PGLS: variants seen among roughly 807,000 people sequenced by gnomAD.
PGLS encodes the protein epididymis secretory protein Li 304.
A neutral mutation model predicts 23.2 loss-of-function variants in PGLS; 21 were observed. The observed-to-expected ratio is 0.91, with a 90% confidence interval of 0.64 to 1.31. The LOEUF (loss-of-function observed/expected upper bound fraction) is 1.31, where lower values mean the gene tolerates loss of function less well. Among genes scored for constraint, PGLS ranks in the 50% most tolerant of loss-of-function variants. The probability of loss-of-function intolerance (pLI) is 0.00; values close to 1 mark genes in which losing one functional copy is unlikely to be tolerated. For synonymous variants in PGLS, 179 were observed against 165.4 expected (o/e 1.08, Z -0.63); for missense variants, 410 against 354.0 (o/e 1.16, Z -1.27).
Position 17,521,219 on chromosome 19 carries a change from G to T in PGLS, c.*138G>T. On this transcript the variant is annotated 3_prime_UTR_variant, in exon 5 of 5. Coordinates refer to ENST00000252603, the MANE Select transcript of PGLS (RefSeq NM_012088.3). ...GGAAGCCAACAGCCTCCGGCCAGCA[G>T]CCCTACCCGGGGCTCAACACACAGG... The T allele has an allele frequency of 2.4e-6, 2 of 846,766 alleles. No homozygotes were observed. Among genetic ancestry groups the T allele is most frequent in the Non-Finnish European group, 3.6e-6 (2 of 562,074 alleles). The allele number at this position is 846,766 out of a possible 1,614,324, so 52.5% of individuals were successfully genotyped here.
chr19:17,520,687 T>C (rs563480392), intron 4 of PGLS: 17 of 301,426 alleles, frequency 5.6e-5, no homozygotes, highest in East Asian at 1.6e-4. Flanking sequence ...GCCAAGATCG[T>C]ACCACTGCAC....
Position 17,511,809 on chromosome 19 carries a change from C to A in PGLS, c.137C>A (p.Ser46Ter). The change falls in exon 1 of 5, where the codon TCG becomes TAG. Residue 46 changes from serine to a stop codon, truncating the protein, a stop_gained. Transcript: ENST00000252603. LOFTEE classifies it high-confidence loss of function. ...CGCGCCCGTTTCGCGCTCGGCCTGT[C>A]GGGCGGGAGCCTCGTCTCGATGCTA... is the stretch of plus-strand genomic sequence containing the variant. ...GARARFALGLSGGSLVSMLAR... is the reference protein window; with the variant it reads ...GARARFALGL The A allele has an allele frequency of 6.6e-7, 1 of 1,507,230 alleles. No individual in the cohort carries two copies. Among genetic ancestry groups the A allele is most frequent in the Non-Finnish European group, 8.8e-7 (1 of 1,132,824 alleles). 93.4% of individuals were successfully genotyped at this position (1,507,230 alleles called of 1,614,324 possible).
In PGLS at chr19:17,511,893, C is replaced by A; in HGVS notation, c.221C>A (p.Thr74Lys). Residue 74 changes from threonine (T) to lysine (K), a missense_variant, in exon 1 of 5, where the codon ACG becomes AAG. By Grantham distance (78) the Thr-to-Lys change is moderately conservative. Coordinates refer to ENST00000252603, the MANE Select transcript of PGLS (RefSeq NM_012088.3). ...GGGCCAGCTAGCTTAGCGCGCTGGA[C>A]GCTGGGCTTCTGCGACGAGCGCCTC... ...PAGPASLARW[T>K]LGFCDERLVP... The A allele has an allele frequency of 6.5e-7, 1 of 1,542,938 alleles. No homozygotes were observed. Among genetic ancestry groups the A allele is most frequent in the South Asian group, 1.2e-5 (1 of 83,816 alleles).
rs747877954 is a variant in PGLS, at chr19:17,517,282, G to A, written c.397-6G>A. On this transcript the variant is annotated splice_region_variant and splice_polypyrimidine_tract_variant and intron_variant, in intron 2 of 4. Coordinates refer to ENST00000252603, the MANE Select transcript of PGLS (RefSeq NM_012088.3). ...CCTCTCAAGGCTGTCTTCTCCCCAC[G>A]CCCAGGCATTCCAAGGGGACTCCAT... The A allele has an allele frequency of 3.7e-6, 6 of 1,607,996 alleles. No homozygotes were observed. Among genetic ancestry groups the A allele is most frequent in the East Asian group, 2.2e-5 (1 of 44,836 alleles).
chr19:17,516,645 C>T (rs1166930441), intron 2 of PGLS: 44 of 466,654 alleles, frequency 9.4e-5, no homozygotes, highest in Non-Finnish European at 1.1e-4. Flanking sequence ...AGTGCAGTGG[C>T]GTGATCATGG....
At position 17,520,974 on chromosome 19, in the gene PGLS, CT is replaced by C; in HGVS notation, c.671del (p.Leu224ArgfsTer25). 6.3e-7 allele frequency: 1 copy of C among 1,597,950 alleles called. No homozygotes were observed. The highest frequency in any genetic ancestry group is 8.5e-7 in the Non-Finnish European group (1 of 1,171,734). On this transcript the variant is annotated frameshift_variant, in exon 5 of 5. Transcript: ENST00000252603. LOFTEE classifies it high-confidence loss of function. ...RILEDQEENP[L>X]PAALVQPHTG... ...TTTGGAGGACCAGGAGGAAAACCCG[CT>C]GCCCGCCGCCCTGGTCCAGCCCCAC... is the stretch of plus-strand genomic sequence containing the variant.
rs1478897693 is a variant in PGLS at position 17,511,898 on chromosome 19, G to C, written c.226G>C (p.Gly76Arg). Residue 76 changes from glycine (G) to arginine (R), a missense_variant, in exon 1 of 5, where the codon GGC becomes CGC. Gly to Arg is a moderately radical substitution (Grantham distance 125). Transcript: ENST00000252603. ...AGCTAGCTTAGCGCGCTGGACGCTG[G>C]GCTTCTGCGACGAGCGCCTCGTGCC... ...GPASLARWTLGFCDERLVPFD... is the reference protein window; with the variant it reads ...GPASLARWTLRFCDERLVPFD... 2 of 1,543,800 alleles carry C rather than the reference G, an allele frequency of 1.3e-6. No homozygotes were observed. The highest frequency in any genetic ancestry group is 1.7e-6 in the Non-Finnish European group (2 of 1,145,886).
chr19:17,519,330 T>C (rs935492592), intron 4 of PGLS, among the ~76,000 whole-genome samples: 1 of 135,844 alleles, frequency 7.4e-6, no homozygotes, highest in African/African-American at 2.9e-5. Context: ...AAAAAAAAAA[T>C]CAAATGAATA....
intron 1 of PGLS, chr19:17,513,015 G>A (rs772269010): frequency 6.6e-6 from 1 of 152,168 alleles, no homozygotes; most frequent in Non-Finnish European, 1.5e-5. Flanking sequence ...GGGCAGCCAG[G>A]GTGTGATCCT....
chr19:17,515,618 G>T (rs1370612200), intron 1 of PGLS: 1 of 153,238 alleles, frequency 6.5e-6, no homozygotes, highest in African/African-American at 2.4e-5. Context: ...TGGCCTGAGG[G>T]ATGTATATGA....
At chr19:17,519,522 C>A (rs2075547993) in intron 4 of PGLS, among the ~76,000 whole-genome samples, 1 of 151,846 alleles carries the variant, frequency 6.6e-6, no homozygotes, top group Admixed American at 6.6e-5. Context: ...GCCTCAGCCT[C>A]CCAAGTAGCT....
chr19:17,516,781 G>A (rs145226688), intron 2 of PGLS, among the ~76,000 whole-genome samples: 91,268 of 150,908 alleles, frequency 0.6, 28,347 homozygotes, highest in African/African-American at 0.75. Context: ...TAGAGACGGG[G>A]TTTCACCATG....
intron 2 of PGLS, chr19:17,516,632 T>G: frequency 1.8e-6 from 1 of 547,466 alleles, no homozygotes; most frequent in African/African-American, 2.0e-5. Context: ...TCGCCCAGGC[T>G]GGAGTGCAGT....
Position 17,511,680 on chromosome 19 carries a change from C to A in PGLS, c.8C>A (p.Ala3Glu). The A allele has an allele frequency of 6.7e-7, 1 of 1,489,516 alleles. No individual in the cohort carries two copies. Among genetic ancestry groups the A allele is most frequent in the Non-Finnish European group, 8.9e-7 (1 of 1,127,946 alleles). The allele number at this position is 1,489,516 out of a possible 1,614,324, so 92.3% of individuals were successfully genotyped here. A position where few individuals can be genotyped will look rare whatever the true frequency, so the allele number is the denominator to read the frequency against. Residue 3 changes from alanine to glutamate, a missense_variant, in exon 1 of 5, where the codon GCG becomes GAG. Transcript: ENST00000252603. MA[A>E]PAPGLISVFS... is the part of the protein sequence containing the mutation. ...CCCGCCGCCGCCCTCGCCATGGCCG[C>A]GCCGGCCCCGGGCCTCATCTCGGTG...
rs1034651602 is a variant in PGLS at position 17,520,908 on chromosome 19, G to A, written c.640-36G>A. 6 of 1,528,422 alleles carry A rather than the reference G, an allele frequency of 3.9e-6. No individual in the cohort carries two copies. The South Asian group carries it at 4.9e-5, about 12-fold the overall frequency. 94.7% of individuals were successfully genotyped at this position (1,528,422 alleles called of 1,614,324 possible). On this transcript the variant is annotated intron_variant, in intron 4 of 4. Transcript: ENST00000252603. ...AGTGCCGAGGGGCGGTGCCTGGGCC[G>A]CAGGCAGGGCCTTACTCTTCTGCCC...
In PGLS at chr19:17,517,115, C is replaced by A. The variant is rs189676089; in HGVS notation, c.397-173C>A. Among the ~76,000 whole-genome samples the A allele has an allele frequency of 4.5e-4, 69 of 152,278 alleles. 1 individual carries two copies. In the East Asian group the frequency reaches 0.012, roughly 27 times the overall value. ...GGCCAGGCTGGTCTTGAACTCCTGACCTCGTGATCCACCTACCTCGGCCTC... is the reference window on the plus strand; with the variant it reads ...GGCCAGGCTGGTCTTGAACTCCTGAACTCGTGATCCACCTACCTCGGCCTC... On this transcript the variant is annotated intron_variant, in intron 2 of 4. Coordinates refer to ENST00000252603, the MANE Select transcript of PGLS (RefSeq NM_012088.3).
At chr19:17,517,518 T>C in intron 3 of PGLS, 129 bp downstream of exon 3, 1 of 930,820 alleles carries the variant, frequency 1.1e-6, no homozygotes, top group East Asian at 2.5e-5. Context: ...TCCACCAACA[T>C]ACCTGCCTGC....
intron 1 of PGLS, among the ~76,000 whole-genome samples, chr19:17,513,873 G>C (rs1407636154): frequency 1.3e-5 from 2 of 152,176 alleles, no homozygotes; most frequent in African/African-American, 4.8e-5. Flanking sequence ...GTGAGCATTC[G>C]TCAAGGGCTA....
chr19:17,515,672 T>G lies in PGLS; in HGVS notation c.289-501T>G, dbSNP rs547911796. On this transcript the variant is annotated intron_variant, in intron 1 of 4. Transcript: ENST00000252603. ...GGAGGGAGGGTGGGGATGGAGAAGG[T>G]TACCCTTCTCCATGGAGGGTGGTGA... 1.4e-3 allele frequency: 211 copies of G among 154,814 alleles called. 1 individual carries two copies. Among genetic ancestry groups the G allele is most frequent in the Non-Finnish European group, 2.0e-3 (141 of 69,512 alleles). 9.6% of individuals were successfully genotyped at this position (154,814 alleles called of 1,614,324 possible). A position where few individuals can be genotyped will look rare whatever the true frequency, so the allele number is the denominator to read the frequency against.
Sources: allele counts gnomAD v4.1 joint callset (sites outside exome capture counted in the v4.1 genomes callset), GRCh38; gene constraint gnomAD v4.1.1; transcripts MANE v1.5; gene names NCBI Gene and HGNC (gene_info 2026-07-23, HGNC 2026-07-21).